TRAK2: variants seen among roughly 807,000 people sequenced by gnomAD.
TRAK2 encodes the protein trafficking kinesin-binding protein 2.
TRAK2 carries 81 observed loss-of-function variants against 104.6 expected under a neutral mutation model. The ratio of observed to expected loss-of-function variants is 0.77; its 90% CI spans 0.65 to 0.93. TRAK2 has a LOEUF of 0.93. Ranked by LOEUF, TRAK2 falls within the 40% of genes least tolerant of loss-of-function variation. The probability of loss-of-function intolerance (pLI) is 0.00; values close to 1 mark genes in which losing one functional copy is unlikely to be tolerated. For missense variants in TRAK2, 1,002 were observed against 1,089.0 expected, an observed-to-expected ratio of 0.92 and a Z score of 1.12; for synonymous variants, 406 against 394.4, an observed-to-expected ratio of 1.03 and a Z score of -0.35.
intron 2 of TRAK2, among the ~76,000 whole-genome samples, chr2:201,410,096 G>A (rs1951631346): frequency 6.6e-6 from 1 of 152,172 alleles, no homozygotes; most frequent in Non-Finnish European, 1.5e-5. Context: ...AGGAGAGCGA[G>A]ACCATCCTGG....
intron 4 of TRAK2, 89 bp from the exon 5 acceptor site, chr2:201,399,582 A>G (rs754946166): frequency 1.7e-5 from 15 of 886,448 alleles, no homozygotes; most frequent in Non-Finnish European, 2.8e-5. Flanking sequence ...TGGTAAAATC[A>G]AAAGCAACGT....
intron 1 of TRAK2, chr2:201,423,508 A>G (rs1282105437): frequency 1.3e-5 from 2 of 152,200 alleles, no homozygotes; most frequent in African/African-American, 4.8e-5. Flanking sequence ...AATTTCATCA[A>G]TTACAGCTGG....
At chr2:201,381,966 C>T (rs1951349102) in intron 15 of TRAK2, among the ~76,000 whole-genome samples, 1 of 152,144 alleles carries the variant, frequency 6.6e-6, no homozygotes, top group Non-Finnish European at 1.5e-5. Flanking sequence ...TTCAGTAATA[C>T]TACTGAATAT....
At chr2:201,395,290 T>G in intron 8 of TRAK2, 24 bp downstream of exon 8, 1 of 1,586,202 alleles carries the variant, frequency 6.3e-7, no homozygotes, top group East Asian at 2.2e-5. Flanking sequence ...AACAAATATC[T>G]GTTGAATGAA....
intron 1 of TRAK2, among the ~76,000 whole-genome samples, chr2:201,446,906 T>C (rs1951969078): frequency 6.6e-6 from 1 of 152,222 alleles, no homozygotes; most frequent in Non-Finnish European, 1.5e-5. Flanking sequence ...AAAGACAGCC[T>C]CTGGGTACAA....
At chr2:201,389,225 T>C in intron 12 of TRAK2, 75 bp downstream of exon 12, 1 of 1,375,738 alleles carries the variant, frequency 7.3e-7, no homozygotes, top group Admixed American at 1.7e-5. Flanking sequence ...AGAGTAATGC[T>C]GGAATGTGCG....
At chr2:201,433,660 A>T (rs1951860337) in intron 1 of TRAK2, 2 of 152,216 alleles carry the variant, frequency 1.3e-5, no homozygotes, top group African/African-American at 2.4e-5. Flanking sequence ...CTAACAGGAA[A>T]AGGGCGGTAA....
intron 14 of TRAK2, among the ~76,000 whole-genome samples, chr2:201,385,069 C>G (rs926763161): frequency 2.6e-5 from 4 of 152,138 alleles, no homozygotes; most frequent in Admixed American, 6.5e-5. Flanking sequence ...AAACAGCTAA[C>G]AAAATGTGAG....
chr2:201,389,344 G>T lies in TRAK2; in HGVS notation c.1353C>A (p.Asp451Glu). The change falls in exon 12 of 16, where the codon GAC (aspartate) becomes GAA (glutamate). Residue 451 changes from aspartate to glutamate, a missense_variant. Asp to Glu is a conservative substitution (Grantham distance 45, BLOSUM62 2). Transcript: ENST00000332624. ...PFESGLQQTE[D>E]KSLLNQGSSS... The stretch of plus-strand genomic sequence containing the variant: ...TGCTCCCCTGGTTCAGGAGTGATTT[G>T]TCCTCTGTTTGCTGAAGACCAGACT... 1.2e-6 allele frequency: 2 copies of T among 1,614,134 alleles called. No homozygotes were observed. The highest frequency in any genetic ancestry group is 1.7e-6 in the Non-Finnish European group (2 of 1,180,036).
At chr2:201,451,153 T>C (rs1223739484) in intron 1 of TRAK2, among the ~76,000 whole-genome samples, 197 bp downstream of exon 1, 1 of 152,164 alleles carries the variant, frequency 6.6e-6, no homozygotes, top group Non-Finnish European at 1.5e-5. Flanking sequence ...CTAGCGCCCA[T>C]TACTTTGCAC....
In TRAK2 at chr2:201,384,220, A is replaced by C; in HGVS notation, c.1964-4T>G. 6.2e-7 allele frequency: 1 copy of C among 1,610,400 alleles called. No individual in the cohort carries two copies. Among genetic ancestry groups the C allele is most frequent in the South Asian group, 1.1e-5 (1 of 90,176 alleles). On this transcript the variant is annotated splice_polypyrimidine_tract_variant and splice_region_variant and intron_variant, in intron 14 of 15. Transcript: ENST00000332624. The stretch of plus-strand genomic sequence containing the variant: ...TTTCCTGGGTTGGCGGTTGCAACTG[A>C]AATAGATTTTTAGGGAGCAAATACA...
chr2:201,431,396 C>T (rs1172896549), intron 1 of TRAK2, among the ~76,000 whole-genome samples: 1 of 152,190 alleles, frequency 6.6e-6, no homozygotes, highest in African/African-American at 2.4e-5. Context: ...AAGAGTTATG[C>T]CCCCTCCCTC....
At position 201,420,666 on chromosome 2, in the gene TRAK2, G is replaced by C; in HGVS notation, c.-159C>G. 1 of 608,418 alleles carries C rather than the reference G, an allele frequency of 1.6e-6. No individual in the cohort carries two copies. The highest frequency in any genetic ancestry group is 1.9e-5 in the South Asian group (1 of 51,306). 37.7% of individuals were successfully genotyped at this position (608,418 alleles called of 1,614,324 possible). On this transcript the variant is annotated 5_prime_UTR_variant, in exon 2 of 16. Coordinates refer to ENST00000332624, the MANE Select transcript of TRAK2 (RefSeq NM_015049.3). Reference sequence around the variant, plus strand: ...TGAGTCAAATGACATCCGTAGCAACGAGCACTCTCATGTGATTATCATACT... The same window carrying C: ...TGAGTCAAATGACATCCGTAGCAACCAGCACTCTCATGTGATTATCATACT...
At chr2:201,411,223 G>A in intron 2 of TRAK2, 1 of 719,162 alleles carries the variant, frequency 1.4e-6, no homozygotes, top group Non-Finnish European at 2.5e-6. Context: ...TACACTTGGG[G>A]TTTAAGAGGC....
At chr2:201,428,017 T>C (rs1951805455) in intron 1 of TRAK2, among the ~76,000 whole-genome samples, 1 of 152,226 alleles carries the variant, frequency 6.6e-6, no homozygotes, top group African/African-American at 2.4e-5. Flanking sequence ...TGGGGTTGTT[T>C]GATTTTTTTC....
At chr2:201,395,109 A>G (rs550877001) in intron 8 of TRAK2, 12 of 621,350 alleles carry the variant, frequency 1.9e-5, no homozygotes, top group Non-Finnish European at 3.0e-5. Context: ...CACTAACCCC[A>G]TTTTACAAAG....
chr2:201,383,080 A>C (rs1257450330), intron 15 of TRAK2, among the ~76,000 whole-genome samples: 1 of 152,234 alleles, frequency 6.6e-6, no homozygotes, highest in Non-Finnish European at 1.5e-5. Flanking sequence ...ACATATCTTT[A>C]AAAGCTACCT....
chr2:201,417,065 CACATTAA>C (rs376217198), intron 2 of TRAK2, among the ~76,000 whole-genome samples: 146,525 of 151,026 alleles, frequency 0.97, 71,238 homozygotes, highest in East Asian at 1. Flanking sequence ...AATGTAACTC[CACATTAA>C]CTACACAGTT....
At chr2:201,419,330 T>G (rs1267342997) in intron 2 of TRAK2, 1 of 154,028 alleles carries the variant, frequency 6.5e-6, no homozygotes, top group Admixed American at 6.5e-5. Context: ...CATTTTTTCA[T>G]GTACTGTCCA....
Sources: gnomAD v4.1 joint callset for allele counts (sites outside exome capture counted in the v4.1 genomes callset) on GRCh38, gnomAD v4.1.1 for gene constraint, MANE v1.5 for transcripts, NCBI Gene and HGNC (gene_info 2026-07-23, HGNC 2026-07-21) for gene names.